CCDC30: variants seen among roughly 807,000 people sequenced by gnomAD.
CCDC30 encodes the protein coiled-coil domain-containing protein 30.
Under a neutral mutation model 100.2 loss-of-function variants are expected in CCDC30, and 70 were observed. The observed-to-expected ratio is 0.70, with a 90% confidence interval of 0.58 to 0.85. The LOEUF is 0.85. Among genes scored for constraint, CCDC30 ranks in the 40% least tolerant of loss-of-function variants. The probability of loss-of-function intolerance (pLI) is 0.00; values close to 1 mark genes in which losing one functional copy is unlikely to be tolerated. For missense variants in CCDC30, 652 were observed against 771.2 expected, an observed-to-expected ratio of 0.85 and a Z score of 1.83; for synonymous variants, 233 against 269.5, an observed-to-expected ratio of 0.86 and a Z score of 1.33.
intron 7 of CCDC30, among the ~76,000 whole-genome samples, chr1:42,574,880 A>G (rs1476269535): frequency 6.6e-6 from 1 of 152,222 alleles, no homozygotes; most frequent in Non-Finnish European, 1.5e-5. Context: ...CAATTATTGA[A>G]TATCAACACT....
At chr1:42,514,525 G>C (rs1569873771) in intron 6 of CCDC30, among the ~76,000 whole-genome samples, 1 of 152,050 alleles carries the variant, frequency 6.6e-6, no homozygotes. Context: ...GTGCTTGTTA[G>C]CCATTTGCAT....
At chr1:42,622,433 C>T (rs2148659221) in intron 11 of CCDC30, among the ~76,000 whole-genome samples, 1 of 152,206 alleles carries the variant, frequency 6.6e-6, no homozygotes, top group South Asian at 2.1e-4. Flanking sequence ...TACTGATTTC[C>T]TTTCTTTTGG....
At chr1:42,555,098 C>T (rs149970894) in intron 6 of CCDC30, among the ~76,000 whole-genome samples, 124 of 152,300 alleles carry the variant, frequency 8.1e-4, no homozygotes, top group African/African-American at 2.9e-3. Flanking sequence ...TTTTAAATAT[C>T]TCCAGAGTCC....
chr1:42,615,057 TGAG>T (rs996519208), intron 11 of CCDC30, among the ~76,000 whole-genome samples: 8 of 152,184 alleles, frequency 5.3e-5, no homozygotes, highest in Non-Finnish European at 8.8e-5. Context: ...AGTCATCAAA[TGAG>T]GAGATGGGAG....
intron 10 of CCDC30, chr1:42,593,111 A>T (rs1646220009): frequency 6.6e-6 from 1 of 152,200 alleles, no homozygotes; most frequent in Non-Finnish European, 1.5e-5. Context: ...TGAAGATAGC[A>T]TCAGATCCCA....
intron 7 of CCDC30, among the ~76,000 whole-genome samples, chr1:42,568,664 C>T (rs1268966816): frequency 3.3e-5 from 5 of 151,810 alleles, no homozygotes; most frequent in South Asian, 2.1e-4. Context: ...CAGTGGCTGA[C>T]ACCTATAATC....
At chr1:42,576,612 A>G (rs1466796904) in intron 7 of CCDC30, among the ~76,000 whole-genome samples, 1 of 152,188 alleles carries the variant, frequency 6.6e-6, no homozygotes, top group Admixed American at 6.5e-5. Context: ...AAGACCAAGA[A>G]AGAACAGCAG....
At chr1:42,505,432 T>A (rs1644379660) in intron 6 of CCDC30, among the ~76,000 whole-genome samples, 4 of 152,134 alleles carry the variant, frequency 2.6e-5, no homozygotes, top group Admixed American at 6.5e-5. Flanking sequence ...AACTTAAAAA[T>A]AACCAATGAA....
At chr1:42,460,416 T>C, upstream of CCDC30, 1 of 983,250 alleles carries the variant, frequency 1.0e-6, no homozygotes, top group Non-Finnish European at 1.2e-6. Context: ...ATGGAAAGGA[T>C]GTTTTGTTTT....
intron 10 of CCDC30, among the ~76,000 whole-genome samples, chr1:42,607,949 A>G (rs549957889): frequency 3.9e-4 from 59 of 152,326 alleles, no homozygotes; most frequent in African/African-American, 1.3e-3. Flanking sequence ...CCAGAACCAC[A>G]TGAGTTCAAC....
At position 42,645,277 on chromosome 1, in the gene CCDC30, C is replaced by T. The variant is rs184606910; in HGVS notation, c.1671+470C>T. ...TGTATGATTCTAGCCCCATCTAAAACATGAGCAAATCTGAGACTCAGTTAA... is the reference window on the plus strand; with the variant it reads ...TGTATGATTCTAGCCCCATCTAAAATATGAGCAAATCTGAGACTCAGTTAA... On this transcript the variant is annotated intron_variant, in intron 14 of 16. Transcript: ENST00000668663. 9.3e-4 allele frequency among the ~76,000 whole-genome samples: 142 copies of T among 152,156 alleles called. No individual in the cohort carries two copies. The South Asian group carries it at 0.013, about 14-fold the overall frequency.
chr1:42,568,260 G>A (rs11210672), intron 7 of CCDC30, among the ~76,000 whole-genome samples: 30,468 of 151,984 alleles, frequency 0.2, 3,368 homozygotes, highest in South Asian at 0.42. Context: ...GATTATAGGC[G>A]CATGTCACCA....
chr1:42,578,231 T>TA lies in CCDC30; in HGVS notation c.846+1009dup, dbSNP rs530829764. Reference sequence around the variant, plus strand: ...TAGATGACAGCAATCTGAATTAAACTAAAAAAATCTAATGTTGAGTTAAAG... The same window carrying TA: ...TAGATGACAGCAATCTGAATTAAACTAAAAAAAATCTAATGTTGAGTTAAAG... On this transcript the variant is annotated intron_variant, in intron 8 of 16. Transcript: ENST00000668663. Among the ~76,000 whole-genome samples, 166 of 152,216 alleles carry TA rather than the reference T, an allele frequency of 1.1e-3. 3 individuals are homozygous for TA. The highest frequency in any genetic ancestry group is 6.6e-3 in the South Asian group (32 of 4,822).
chr1:42,585,548 A>G (rs1177026896), intron 9 of CCDC30, among the ~76,000 whole-genome samples: 1 of 151,928 alleles, frequency 6.6e-6, no homozygotes, highest in African/African-American at 2.4e-5. Flanking sequence ...CCATTGATTA[A>G]TACTCTCATT....
At chr1:42,559,091 G>A (rs909424494) in intron 6 of CCDC30, among the ~76,000 whole-genome samples, 1 of 152,158 alleles carries the variant, frequency 6.6e-6, no homozygotes, top group Non-Finnish European at 1.5e-5. Flanking sequence ...ACAAGCAAAT[G>A]CTGAGGGATT....
chr1:42,460,091 A>T (rs1643370207), upstream of CCDC30: 1 of 1,378,284 alleles, frequency 7.3e-7, no homozygotes, highest in Admixed American at 3.2e-5. Context: ...ATGACACCTG[A>T]TATGATGTCA....
chr1:42,498,124 C>T (rs1009988493), intron 5 of CCDC30, among the ~76,000 whole-genome samples: 4 of 152,100 alleles, frequency 2.6e-5, no homozygotes, highest in African/African-American at 7.2e-5. Context: ...ACACATGCTG[C>T]AACATGAATG....
downstream of CCDC30, among the ~76,000 whole-genome samples, chr1:42,656,790 A>G (rs954435355): frequency 6.6e-6 from 1 of 152,222 alleles, no homozygotes; most frequent in Non-Finnish European, 1.5e-5. Context: ...GTGAGGACCA[A>G]ATGAAATGAA....
intron 6 of CCDC30, among the ~76,000 whole-genome samples, chr1:42,510,710 A>T (rs1644464690): frequency 6.6e-6 from 1 of 152,046 alleles, no homozygotes; most frequent in South Asian, 2.1e-4. Flanking sequence ...ATCGTCAGAA[A>T]ATTGGCCTAA....
Sources: allele counts gnomAD v4.1 joint callset (sites outside exome capture counted in the v4.1 genomes callset), GRCh38; gene constraint gnomAD v4.1.1; transcripts MANE v1.5; gene names NCBI Gene and HGNC (gene_info 2026-07-23, HGNC 2026-07-21).